C2CD2: variants seen among roughly 807,000 people sequenced by gnomAD.
The protein encoded by C2CD2 is C2 domain-containing protein 2.
In C2CD2, 43 loss-of-function variants were observed where a neutral mutation model predicts 74.3. The observed-to-expected ratio is 0.58, with a 90% CI of 0.45 to 0.75. The LOEUF is 0.75. Ranked by LOEUF, C2CD2 falls within the 30% of genes least tolerant of loss-of-function variation. The pLI, the probability that C2CD2 is intolerant of heterozygous loss-of-function variation, is 0.00. For synonymous variants in C2CD2, 422 were observed against 390.7 expected (o/e 1.08, Z -0.94); for missense variants, 801 against 916.3 (o/e 0.87, Z 1.63).
Position 41,942,264 on chromosome 21 carries a change from A to G in C2CD2, c.280-19T>C. ...GTGGGCCCTGGAACAGAGGGGCAGC[A>G]TGAGGAGGGCATGCACAGGAGGGGC... On this transcript the variant is annotated intron_variant, in intron 1 of 13. Coordinates refer to ENST00000380486, the MANE Select transcript of C2CD2 (RefSeq NM_015500.2). The G allele has an allele frequency of 6.5e-7, 1 of 1,536,434 alleles. No individual in the cohort carries two copies. Among genetic ancestry groups the G allele is most frequent in the Non-Finnish European group, 8.8e-7 (1 of 1,134,552 alleles).
At chr21:41,889,449 A>C in intron 13 of C2CD2, 105 bp from the exon 14 acceptor site, 2 of 741,892 alleles carry the variant, frequency 2.7e-6, no homozygotes, top group South Asian at 3.1e-5. Context: ...GCCTCTAACG[A>C]AGGGCCAGTT....
chr21:41,935,496 C>G (rs936028546), intron 2 of C2CD2, among the ~76,000 whole-genome samples: 2 of 152,102 alleles, frequency 1.3e-5, no homozygotes, highest in Admixed American at 1.3e-4. Flanking sequence ...CTGAACTTGC[C>G]AGAGTGTGGG....
Position 41,895,765 on chromosome 21 carries a change from T to C in C2CD2, c.1870+3288A>G, listed in dbSNP as rs2146136797. Among the ~76,000 whole-genome samples, 1 of 152,014 alleles carries C rather than the reference T, an allele frequency of 6.6e-6. No homozygotes were observed. The highest frequency in any genetic ancestry group is 6.6e-5 in the Admixed American group (1 of 15,262). ...TGTATTCCTATTTGTCTCTACAGAG[T>C]CTAACAGACATAAATAGCGAATTGA... On this transcript the variant is annotated intron_variant, in intron 13 of 13. Transcript: ENST00000380486. The surrounding 1 kb of genome is among the most constrained non-coding windows in gnomAD (Gnocchi z 5.0).
chr21:41,946,759 C>G (rs2065401020), intron 1 of C2CD2, among the ~76,000 whole-genome samples: 1 of 152,224 alleles, frequency 6.6e-6, no homozygotes, highest in Non-Finnish European at 1.5e-5. Context: ...TCCTCTACAA[C>G]AAGACACGCT....
intron 3 of C2CD2, among the ~76,000 whole-genome samples, chr21:41,921,525 T>G (rs1340206229): frequency 6.6e-6 from 1 of 152,236 alleles, no homozygotes; most frequent in Non-Finnish European, 1.5e-5. Flanking sequence ...ATTTTTTAAC[T>G]TATAAAAATA....
At chr21:41,935,655 C>A (rs2065300712) in intron 2 of C2CD2, among the ~76,000 whole-genome samples, 1 of 152,102 alleles carries the variant, frequency 6.6e-6, no homozygotes, top group African/African-American at 2.4e-5. Context: ...TCAAGTGGAT[C>A]AGCCTGGCCA....
intron 2 of C2CD2, among the ~76,000 whole-genome samples, chr21:41,933,124 G>T (rs1231502080): frequency 6.8e-6 from 1 of 146,324 alleles, no homozygotes; most frequent in African/African-American, 2.5e-5. Context: ...CCTTGTCAAG[G>T]CTGAGTTAGA....
chr21:41,890,383 A>T (rs1569051279), intron 13 of C2CD2, among the ~76,000 whole-genome samples: 1 of 152,240 alleles, frequency 6.6e-6, no homozygotes, highest in Non-Finnish European at 1.5e-5. Flanking sequence ...AAAAATTAGC[A>T]GCAGCAGCAA....
chr21:41,921,797 G>A (rs2065156640), intron 3 of C2CD2, among the ~76,000 whole-genome samples, 175 bp downstream of exon 3: 1 of 152,112 alleles, frequency 6.6e-6, no homozygotes, highest in South Asian at 2.1e-4. Context: ...TAGTGTGTGT[G>A]ATCATTTCCT....
intron 13 of C2CD2, among the ~76,000 whole-genome samples, chr21:41,890,318 T>A (rs539255636): frequency 6.6e-6 from 1 of 152,300 alleles, no homozygotes; most frequent in South Asian, 2.1e-4. Flanking sequence ...GATCTCTATA[T>A]ACAGATATTT....
At chr21:41,893,951 G>A (rs890786011) in intron 13 of C2CD2, among the ~76,000 whole-genome samples, 3 of 152,108 alleles carry the variant, frequency 2.0e-5, no homozygotes, top group African/African-American at 7.2e-5. Context: ...CGCCCACCTC[G>A]GCCTCCCAAA....
At chr21:41,912,476 A>C in intron 6 of C2CD2, 36 bp from the exon 7 acceptor site, 1 of 1,019,270 alleles carries the variant, frequency 9.8e-7, no homozygotes, top group Non-Finnish European at 1.3e-6. Flanking sequence ...GTTGGCGTTT[A>C]TTTTTATTAT....
chr21:41,932,433 G>C (rs1245242695), intron 2 of C2CD2, among the ~76,000 whole-genome samples: 4 of 91,814 alleles, frequency 4.4e-5, no homozygotes, highest in African/African-American at 1.5e-4. Context: ...GGTTGGGGAA[G>C]TCTGCCATCT....
Position 41,918,954 on chromosome 21 carries a change from A to G in C2CD2, c.499T>C (p.Phe167Leu). ...TCCTCTCTCTTCTCCTTCATGTGGA[A>G]CTCCAGCTATTAAAAAACAAGTTAT... is the stretch of plus-strand genomic sequence containing the variant. ...RLSPFHLQLE[F>L]HMKEKREDLQ... Residue 167 changes from phenylalanine to leucine, a missense_variant, in exon 4 of 14, where the codon TTC (phenylalanine) becomes CTC (leucine). Coordinates refer to ENST00000380486, the MANE Select transcript of C2CD2 (RefSeq NM_015500.2). The G allele has an allele frequency of 6.2e-7, 1 of 1,613,022 alleles. No individual in the cohort carries two copies. The highest frequency in any genetic ancestry group is 8.5e-7 in the Non-Finnish European group (1 of 1,178,994).
At chr21:41,922,160 C>A in intron 2 of C2CD2, 75 bp from the exon 3 acceptor site, 7 of 726,286 alleles carry the variant, frequency 9.6e-6, no homozygotes, top group East Asian at 2.7e-5. Flanking sequence ...TCTTCTTCTT[C>A]TTCTTTTTTT....
intron 13 of C2CD2, among the ~76,000 whole-genome samples, chr21:41,896,579 G>C (rs1274382891): frequency 6.6e-6 from 1 of 151,818 alleles, no homozygotes; most frequent in Non-Finnish European, 1.5e-5. Context: ...AAAAATTTGG[G>C]GAATACATTT....
At position 41,926,611 on chromosome 21, in the gene C2CD2, T is replaced by C. The variant is rs2065216349; in HGVS notation, c.379-4526A>G. On this transcript the variant is annotated intron_variant, in intron 2 of 13. Transcript: ENST00000380486. The surrounding 1 kb of genome is among the most constrained non-coding windows in gnomAD (Gnocchi z 8.0). ...CTTATCTGGAAACTATTCCTTTGTT[T>C]AGACTTGGGGCCAAAAAATTCCAGG... 1 of 984,314 alleles carries C rather than the reference T, an allele frequency of 1.0e-6. No homozygotes were observed. Among genetic ancestry groups the C allele is most frequent in the Non-Finnish European group, 1.2e-6 (1 of 829,098 alleles). 61.0% of individuals were successfully genotyped at this position (984,314 alleles called of 1,614,324 possible).
intron 1 of C2CD2, among the ~76,000 whole-genome samples, chr21:41,947,889 C>T (rs1384961525): frequency 1.3e-5 from 2 of 152,226 alleles, no homozygotes; most frequent in Non-Finnish European, 2.9e-5. Context: ...GGCCCTTCCA[C>T]GGGCTGAAGA....
intron 12 of C2CD2, 114 bp downstream of exon 12, chr21:41,901,508 T>G: frequency 9.4e-7 from 1 of 1,063,060 alleles, no homozygotes; most frequent in Non-Finnish European, 1.5e-6. Context: ...CATTTGTAAA[T>G]GGAACTCTCT....
Sources: gnomAD v4.1 joint callset for allele counts (sites outside exome capture counted in the v4.1 genomes callset) on GRCh38, gnomAD v4.1.1 for gene constraint, Gnocchi (gnomAD v3.1) non-coding constraint, MANE v1.5 for transcripts, NCBI Gene and HGNC (gene_info 2026-07-23, HGNC 2026-07-21) for gene names.